Variants in RREB1 observed in about 807,000 individuals in gnomAD.
RREB1 encodes the protein ras responsive element binding protein 1.
Under a neutral mutation model 117.8 loss-of-function variants are expected in RREB1, and 27 were observed. That is an observed-to-expected ratio of 0.23 (90% CI 0.17 to 0.32). RREB1 has a LOEUF of 0.32. Among genes scored for constraint, RREB1 ranks in the 10% least tolerant of loss-of-function variants. The pLI is 1.00. For synonymous variants in RREB1, 1,298 were observed against 1,026.7 expected, an observed-to-expected ratio of 1.26 and a Z score of -5.05; for missense variants, 2,577 against 2,378.2, an observed-to-expected ratio of 1.08 and a Z score of -1.74.
At chr6:7,153,413 TAC>T (rs57110705) in intron 1 of RREB1, among the ~76,000 whole-genome samples, 3,801 of 145,590 alleles carry the variant, frequency 0.026, 158 homozygotes, top group Admixed American at 0.094. Flanking sequence ...AGTAGTGGTA[TAC>T]ACACACACAC....
Position 7,230,070 on chromosome 6 carries a change from C to T in RREB1, c.1971C>T (p.Val657=), listed in dbSNP as rs1206850046. Residue 657 remains valine, a synonymous_variant, in exon 10 of 13, where the codon GTC becomes GTT. Transcript: ENST00000379938. Reference sequence around the variant, plus strand: ...ACCAGGTGTTTGCCTTCTCGGGGGTCTTGCGTGCCCACGTGCGCTCCCACC... The same window carrying T: ...ACCAGGTGTTTGCCTTCTCGGGGGTTTTGCGTGCCCACGTGCGCTCCCACC... ...FCNQVFAFSG[V]LRAHVRSHLG... is the part of the protein sequence containing the mutation. 10 of 1,604,720 alleles carry T rather than the reference C, an allele frequency of 6.2e-6. No homozygotes were observed. The highest frequency in any genetic ancestry group is 4.5e-5 in the East Asian group (2 of 44,674).
At chr6:7,171,545 G>T (rs1764209111) in intron 1 of RREB1, among the ~76,000 whole-genome samples, 1 of 152,214 alleles carries the variant, frequency 6.6e-6, no homozygotes, top group African/African-American at 2.4e-5. Context: ...AGCAGCTCTA[G>T]GATCTTGGAG....
chr6:7,169,131 C>G (rs903719682), intron 1 of RREB1, among the ~76,000 whole-genome samples: 5 of 152,228 alleles, frequency 3.3e-5, no homozygotes, highest in Non-Finnish European at 5.9e-5. Flanking sequence ...TTTTCAAATT[C>G]CTCAACCAAG....
rs1321978829 is a variant in RREB1, at chr6:7,246,458, G to A, written c.4008G>A (p.Ala1336=). The change falls in exon 12 of 13, where the codon GCG becomes GCA. Residue 1336 remains alanine (A), a synonymous_variant. Transcript: ENST00000379938. The part of the protein sequence containing the change: ...SQSDAETAAA[A]GEVLDLTSRD... ...CGGATGCGGAGACTGCAGCCGCCGCGGGCGAAGTGCTAGACCTCACCTCAC... is the reference window on the plus strand; with the variant it reads ...CGGATGCGGAGACTGCAGCCGCCGCAGGCGAAGTGCTAGACCTCACCTCAC... The A allele has an allele frequency of 4.0e-6, 6 of 1,510,962 alleles. No homozygotes were observed. In the East Asian group the frequency reaches 1.5e-4, roughly 37 times the overall value. The allele number at this position is 1,510,962 out of a possible 1,614,324, so 93.6% of individuals were successfully genotyped here.
At chr6:7,126,201 T>C (rs140409958) in intron 1 of RREB1, among the ~76,000 whole-genome samples, 4,791 of 152,112 alleles carry the variant, frequency 0.031, 97 homozygotes, top group Non-Finnish European at 0.038. Flanking sequence ...TGGGTTTCAC[T>C]ATGTTGGTCA....
intron 1 of RREB1, among the ~76,000 whole-genome samples, chr6:7,132,912 A>G (rs1475716774): frequency 1.3e-5 from 2 of 152,164 alleles, no homozygotes; most frequent in Non-Finnish European, 2.9e-5. Context: ...AAACTTGAAA[A>G]TTTGTGAGCC....
At chr6:7,189,844 G>A (rs1032110309) in intron 6 of RREB1, among the ~76,000 whole-genome samples, 4 of 152,190 alleles carry the variant, frequency 2.6e-5, no homozygotes, top group African/African-American at 9.7e-5. Flanking sequence ...ATTCCTGAGA[G>A]AGAAAGATGC....
intron 8 of RREB1, chr6:7,215,768 C>A (rs1766863039): frequency 6.6e-6 from 1 of 152,238 alleles, no homozygotes; most frequent in Admixed American, 6.5e-5. Context: ...ATGTGGTTCA[C>A]ATTCTTGCTT....
intron 1 of RREB1, among the ~76,000 whole-genome samples, chr6:7,159,781 G>A (rs4959426): frequency 0.37 from 55,780 of 152,080 alleles, 13,181 homozygotes; most frequent in Non-Finnish European, 0.53. Flanking sequence ...CTGAGGGTCA[G>A]ACCACTGCCG....
At chr6:7,172,237 G>A (rs1262235640) in intron 1 of RREB1, among the ~76,000 whole-genome samples, 1 of 151,792 alleles carries the variant, frequency 6.6e-6, no homozygotes, top group African/African-American at 2.4e-5. Context: ...GAGCCACTGT[G>A]CCTGGCTTGC....
chr6:7,236,994 C>T (rs1265433827), intron 10 of RREB1, among the ~76,000 whole-genome samples: 2 of 148,598 alleles, frequency 1.3e-5, no homozygotes, highest in African/African-American at 2.5e-5. Flanking sequence ...TCACAGCTCA[C>T]TGCAGCCTTG....
chr6:7,196,218 GTTTTT>G (rs58448175), intron 6 of RREB1, among the ~76,000 whole-genome samples: 2 of 121,468 alleles, frequency 1.6e-5, no homozygotes, highest in African/African-American at 3.2e-5. Context: ...TTTTTTTTTC[GTTTTT>G]TTTTTTTGTT....
rs1764775076 is a variant in RREB1 at position 7,181,173 on chromosome 6, A to C, written c.-116A>C. 1 of 398,518 alleles carries C rather than the reference A, an allele frequency of 2.5e-6. No homozygotes were observed. The allele number at this position is 398,518 out of a possible 1,614,324, so 24.7% of individuals were successfully genotyped here. A position where few individuals can be genotyped will look rare whatever the true frequency, so the allele number is the denominator to read the frequency against. Reference sequence around the variant, plus strand: ...GAAGACAAGAGGTCAACACAGACTCATTTTCTACTCCGTGTGAATGATAGC... The same window carrying C: ...GAAGACAAGAGGTCAACACAGACTCCTTTTCTACTCCGTGTGAATGATAGC... On this transcript the variant is annotated 5_prime_UTR_variant, in exon 3 of 13. Transcript: ENST00000379938.
intron 1 of RREB1, among the ~76,000 whole-genome samples, chr6:7,110,291 A>G (rs1761073205): frequency 6.6e-6 from 1 of 152,198 alleles, no homozygotes; most frequent in African/African-American, 2.4e-5. Context: ...AGGCAGGTAT[A>G]GTTTCTAAGA....
intron 1 of RREB1, among the ~76,000 whole-genome samples, chr6:7,166,800 A>C (rs1763950434): frequency 6.6e-6 from 1 of 152,216 alleles, no homozygotes; most frequent in Admixed American, 6.5e-5. Flanking sequence ...CTTAGCTTGC[A>C]GCTCGTCCCT....
chr6:7,124,813 G>A (rs1761839893), intron 1 of RREB1, among the ~76,000 whole-genome samples: 1 of 152,192 alleles, frequency 6.6e-6, no homozygotes, highest in African/African-American at 2.4e-5. Context: ...TGTAGATGCA[G>A]TTGTTATCCC....
chr6:7,129,422 C>G (rs1003739617), intron 1 of RREB1, among the ~76,000 whole-genome samples: 24 of 152,190 alleles, frequency 1.6e-4, no homozygotes, highest in African/African-American at 5.8e-4. Flanking sequence ...CTGCTTAGGC[C>G]TTGGAGACAC....
At chr6:7,112,606 G>A (rs982309837) in intron 1 of RREB1, among the ~76,000 whole-genome samples, 1 of 152,004 alleles carries the variant, frequency 6.6e-6, no homozygotes, top group Non-Finnish European at 1.5e-5. Context: ...AAAGGTAAAA[G>A]GTACACCGTA....
intron 1 of RREB1, among the ~76,000 whole-genome samples, chr6:7,142,204 A>T (rs1277590102): frequency 6.6e-6 from 1 of 150,466 alleles, no homozygotes; most frequent in African/African-American, 2.5e-5. Context: ...AACAAGAGTG[A>T]AACTCCGTCT....
Sources: gnomAD v4.1 joint callset for allele counts (sites outside exome capture counted in the v4.1 genomes callset) on GRCh38, gnomAD v4.1.1 for gene constraint, MANE v1.5 for transcripts, NCBI Gene and HGNC (gene_info 2026-07-23, HGNC 2026-07-21) for gene names.